The following UNC13B variants were observed in gnomAD, a reference collection of about 807,000 sequenced individuals.
UNC13B encodes the protein protein unc-13 homolog B.
A neutral mutation model predicts 211.0 loss-of-function variants in UNC13B; 144 were observed. The observed-to-expected ratio is 0.68, with a 90% CI of 0.60 to 0.78. The LOEUF (loss-of-function observed/expected upper bound fraction) is 0.78. UNC13B is among the 30% of genes least tolerant of loss of function. The probability of loss-of-function intolerance (pLI) is 0.00; values close to 1 mark genes in which losing one functional copy is unlikely to be tolerated. For synonymous variants in UNC13B, 709 were observed against 725.8 expected, an observed-to-expected ratio of 0.98 and a Z score of 0.37; for missense variants, 1,777 against 2,002.0, an observed-to-expected ratio of 0.89 and a Z score of 2.14.
chr9:35,260,038 C>CCAAA (rs780357118), intron 7 of UNC13B, among the ~76,000 whole-genome samples: 2 of 64,802 alleles, frequency 3.1e-5, no homozygotes, highest in Non-Finnish European at 5.0e-5. Context: ...CTCATTTCTA[C>CCAAA]AAAAAAAAAA....
intron 1 of UNC13B, among the ~76,000 whole-genome samples, chr9:35,205,352 G>T (rs1276982170): frequency 3.9e-5 from 6 of 152,030 alleles, no homozygotes; most frequent in African/African-American, 1.2e-4. Flanking sequence ...TGCCCTTTTG[G>T]TTTACTTTAA....
intron 1 of UNC13B, chr9:35,227,694 A>C: frequency 3.9e-6 from 1 of 257,798 alleles, no homozygotes. Context: ...TAAATAAGGA[A>C]CATTTGTAAC....
At chr9:35,244,064 A>T (rs7851161) in intron 6 of UNC13B, among the ~76,000 whole-genome samples, 56,052 of 151,916 alleles carry the variant, frequency 0.37, 11,370 homozygotes, top group Non-Finnish European at 0.45. Context: ...TAACAATTGA[A>T]GTCATAGGAA....
At chr9:35,276,277 G>A (rs1000050471) in intron 7 of UNC13B, among the ~76,000 whole-genome samples, 1 of 145,004 alleles carries the variant, frequency 6.9e-6, no homozygotes, top group East Asian at 2.0e-4. Context: ...CTGCACTCCA[G>A]CCTGGGTGAC....
intron 1 of UNC13B, among the ~76,000 whole-genome samples, chr9:35,194,846 G>A (rs1822850246): frequency 6.6e-6 from 1 of 152,162 alleles, no homozygotes; most frequent in African/African-American, 2.4e-5. Flanking sequence ...CACATACGAG[G>A]AGTTTAGGAA....
intron 24 of UNC13B, among the ~76,000 whole-genome samples, chr9:35,388,618 G>A (rs1835333589): frequency 6.6e-6 from 1 of 152,192 alleles, no homozygotes; most frequent in South Asian, 2.1e-4. Context: ...TGGAGTTGTT[G>A]TGAGGATTAG....
intron 22 of UNC13B, chr9:35,384,982 G>A (rs779779891): frequency 1.3e-5 from 12 of 942,450 alleles, no homozygotes; most frequent in Non-Finnish European, 1.5e-5. Flanking sequence ...AAAAAGAAAT[G>A]AGGTTTTAAT....
chr9:35,245,294 C>A (rs991548537), intron 6 of UNC13B, among the ~76,000 whole-genome samples: 2 of 150,168 alleles, frequency 1.3e-5, no homozygotes, highest in Non-Finnish European at 3.0e-5. Flanking sequence ...AATAATGGTT[C>A]TTGGTCTGTG....
intron 7 of UNC13B, among the ~76,000 whole-genome samples, chr9:35,294,683 C>T (rs1274507086): frequency 2.6e-5 from 4 of 152,172 alleles, no homozygotes; most frequent in Non-Finnish European, 2.9e-5. Context: ...GGTGAACATT[C>T]CTTTTCCTCA....
chr9:35,276,661 C>T (rs1181818920), intron 7 of UNC13B, among the ~76,000 whole-genome samples: 1 of 152,078 alleles, frequency 6.6e-6, no homozygotes, highest in Non-Finnish European at 1.5e-5. Flanking sequence ...TAAAAGTCTT[C>T]AAATGATTCA....
At chr9:35,174,370 G>A (rs556053801) in intron 1 of UNC13B, among the ~76,000 whole-genome samples, 1 of 151,706 alleles carries the variant, frequency 6.6e-6, no homozygotes, top group East Asian at 2.0e-4. Context: ...CTGTCCTCCA[G>A]GCTGTAGTGC....
intron 1 of UNC13B, among the ~76,000 whole-genome samples, chr9:35,180,474 A>G (rs1434493362): frequency 6.6e-6 from 1 of 152,098 alleles, no homozygotes; most frequent in Admixed American, 6.6e-5. Context: ...ATTTTAATAC[A>G]ATTTATTCTT....
intron 1 of UNC13B, among the ~76,000 whole-genome samples, chr9:35,184,486 T>C (rs1252500665): frequency 6.6e-6 from 1 of 152,090 alleles, no homozygotes. Context: ...GGCGGGCAGA[T>C]CACTCGAGGT....
rs1220266055 is a variant in UNC13B, at chr9:35,305,870, T to C, written c.6466T>C (p.Ser2156Pro). The C allele has an allele frequency of 1.0e-5, 4 of 398,892 alleles. No homozygotes were observed. Among genetic ancestry groups the C allele is most frequent in the Non-Finnish European group, 1.8e-5 (4 of 226,040 alleles). The allele number at this position is 398,892 out of a possible 1,614,324, so 24.7% of individuals were successfully genotyped here. ...AATSSSQPEL[S>P]TKKSIFSFLT... ...AACATCTTCATCTCAACCAGAGTTA[T>C]CAACCAAAAAGAGTATATTTTCTTT... The change falls in exon 9 of 40, where the codon TCA becomes CCA. Residue 2156 changes from serine (S) to proline (P), a missense_variant. Ser to Pro is a moderately conservative substitution (Grantham distance 74). Coordinates refer to ENST00000635942, the MANE Select transcript of UNC13B (RefSeq NM_001371189.2).
intron 1 of UNC13B, among the ~76,000 whole-genome samples, chr9:35,180,698 C>T (rs1286123171): frequency 6.6e-6 from 1 of 152,130 alleles, no homozygotes; most frequent in Non-Finnish European, 1.5e-5. Flanking sequence ...ATTACATACT[C>T]TACAACAGTG....
intron 11 of UNC13B, among the ~76,000 whole-genome samples, chr9:35,334,094 T>A (rs1831518761): frequency 1.3e-5 from 2 of 152,116 alleles, no homozygotes; most frequent in South Asian, 4.1e-4. Context: ...GCCTCCCAAG[T>A]AGCTGGGATT....
Position 35,367,007 on chromosome 9 carries a change from T to C in UNC13B, c.9461+14T>C, listed in dbSNP as rs765576617. 1.2e-5 allele frequency: 19 copies of C among 1,611,262 alleles called. No homozygotes were observed. Among genetic ancestry groups the C allele is most frequent in the Admixed American group, 1.7e-5 (1 of 59,994 alleles). On this transcript the variant is annotated intron_variant, in intron 12 of 39. Transcript: ENST00000635942. ...GCTCCCGGAAGGGTAAGTAATTCAC[T>C]GCAAGGTTTCTGTGGATTTTATTCA...
At chr9:35,228,499 A>G (rs1236076605) in intron 2 of UNC13B, among the ~76,000 whole-genome samples, 1 of 150,678 alleles carries the variant, frequency 6.6e-6, no homozygotes, top group Non-Finnish European at 1.5e-5. Context: ...CCCCCACCCC[A>G]CGACAGGCCC....
chr9:35,295,328 CT>C (rs1829299286), intron 7 of UNC13B, among the ~76,000 whole-genome samples: 2 of 152,156 alleles, frequency 1.3e-5, no homozygotes, highest in Non-Finnish European at 2.9e-5. Context: ...CTCCTTTCCC[CT>C]TTCTTTAATA....
Sources: gnomAD v4.1 joint callset for allele counts (sites outside exome capture counted in the v4.1 genomes callset) on GRCh38, gnomAD v4.1.1 for gene constraint, MANE v1.5 for transcripts, NCBI Gene and HGNC (gene_info 2026-07-23, HGNC 2026-07-21) for gene names.